MYO7B: variants seen among roughly 807,000 people sequenced by gnomAD.
MYO7B encodes the protein unconventional myosin-VIIb.
Under a neutral mutation model 259.7 loss-of-function variants are expected in MYO7B, and 212 were observed. The ratio of observed to expected loss-of-function variants is 0.82; its 90% CI spans 0.73 to 0.91. The LOEUF (loss-of-function observed/expected upper bound fraction) is 0.91. Ranked by LOEUF, MYO7B falls within the 40% of genes least tolerant of loss-of-function variation. MYO7B has a pLI of 0.00. For synonymous variants in MYO7B, 1,197 were observed against 1,166.4 expected (o/e 1.03, Z -0.54); for missense variants, 2,732 against 2,813.5 (o/e 0.97, Z 0.66).
intron 36 of MYO7B, 93 bp from the exon 37 acceptor site, chr2:127,631,113 C>T: frequency 6.9e-7 from 1 of 1,455,000 alleles, no homozygotes; most frequent in Non-Finnish European, 9.1e-7. Flanking sequence ...GTGCTCTGGC[C>T]CTCCCACAGC....
chr2:127,550,356 A>G (rs1304246867), intron 1 of MYO7B, among the ~76,000 whole-genome samples: 1 of 152,176 alleles, frequency 6.6e-6, no homozygotes, highest in African/African-American at 2.4e-5. Context: ...ACTTGAGGCC[A>G]GGAGTTCAAG....
At position 127,629,685 on chromosome 2, in the gene MYO7B, GGT is replaced by G; in HGVS notation, c.4666_4667del (p.Val1556ProfsTer11). 1.2e-6 allele frequency: 2 copies of G among 1,612,390 alleles called. No individual in the cohort carries two copies. Among genetic ancestry groups the G allele is most frequent in the Non-Finnish European group, 1.7e-6 (2 of 1,179,464 alleles). ...TGGCCTTCAAGAAGGGGGACCTGTT[GGT>G]CCTCACAAAGAAGCAGGGGCTGCTG... ...LLAFKKGDLL[V>X]LTKKQGLLAS... On this transcript the variant is annotated frameshift_variant, in exon 35 of 48. Transcript: ENST00000409816. LOFTEE classifies it high-confidence loss of function.
intron 1 of MYO7B, among the ~76,000 whole-genome samples, chr2:127,536,038 TGAG>T (rs140449261): frequency 6.6e-5 from 10 of 150,922 alleles, no homozygotes; most frequent in Non-Finnish European, 8.9e-5. Flanking sequence ...CCTGGGGGGC[TGAG>T]GAGGAGGAGG....
intron 1 of MYO7B, among the ~76,000 whole-genome samples, chr2:127,542,447 C>T (rs1693041828): frequency 6.6e-6 from 1 of 152,194 alleles, no homozygotes; most frequent in East Asian, 1.9e-4. Context: ...ATGGCTGGCT[C>T]CCCACTGAGC....
chr2:127,558,502 AC>A (rs1207600971), intron 1 of MYO7B, among the ~76,000 whole-genome samples: 2 of 152,212 alleles, frequency 1.3e-5, no homozygotes, highest in African/African-American at 4.8e-5. Flanking sequence ...CTGGGTGTCT[AC>A]CCAGGGGAAA....
chr2:127,570,049 T>C (rs1240272303), intron 6 of MYO7B, 139 bp downstream of exon 6: 1 of 1,109,586 alleles, frequency 9.0e-7, no homozygotes. Context: ...AACACAAGGG[T>C]GGGGTGCATG....
chr2:127,537,686 A>G (rs1258464602), intron 1 of MYO7B, among the ~76,000 whole-genome samples: 1 of 151,738 alleles, frequency 6.6e-6, no homozygotes, highest in African/African-American at 2.4e-5. Flanking sequence ...AGGAGGAGGA[A>G]GAAGAAGAGG....
In MYO7B at chr2:127,625,554, C is replaced by T. The variant is rs142453608; in HGVS notation, c.4215+19C>T. On this transcript the variant is annotated intron_variant, in intron 31 of 47. Transcript: ENST00000409816. ...CGCCAAGGTCAGCCTGCATGCAGCT[C>T]AGGCACCCACCCGAGGGCTCTCCTT... 6.7e-5 allele frequency: 106 copies of T among 1,574,262 alleles called. 1 individual carries two copies. In the East Asian group the frequency reaches 2.4e-3, roughly 35 times the overall value.
In MYO7B at chr2:127,628,441, C is replaced by T; in HGVS notation, c.4530C>T (p.Ser1510=). The T allele has an allele frequency of 3.1e-6, 5 of 1,590,628 alleles. No homozygotes were observed. The highest frequency in any genetic ancestry group is 4.3e-6 in the Non-Finnish European group (5 of 1,169,976). ...MHEEYEFVSP[S]SVAIAELVAL... ...AGGAGTACGAGTTTGTGTCACCCAG[C>T]AGTGTGGCCATCGCTGAGCTGGTGG... The change falls in exon 34 of 48, where the codon AGC becomes AGT. Residue 1510 remains serine (S), a synonymous_variant. Coordinates refer to ENST00000409816, the MANE Select transcript of MYO7B (RefSeq NM_001393586.1). The surrounding 1 kb of genome is among the most constrained non-coding windows in gnomAD (Gnocchi z 4.8).
chr2:127,582,495 T>C (rs1229882616), intron 12 of MYO7B, 49 bp downstream of exon 12: 1 of 1,598,242 alleles, frequency 6.3e-7, no homozygotes. Context: ...AAACAGAAGA[T>C]AAGCAGCTCC....
At chr2:127,617,148 G>T (rs1680600599) in intron 26 of MYO7B, among the ~76,000 whole-genome samples, 1 of 152,092 alleles carries the variant, frequency 6.6e-6, no homozygotes, top group African/African-American at 2.4e-5. Context: ...CAAGTCCTCT[G>T]CACATCTCAC....
intron 19 of MYO7B, among the ~76,000 whole-genome samples, chr2:127,600,890 T>C (rs1679943036): frequency 1.3e-5 from 2 of 152,368 alleles, no homozygotes; most frequent in Non-Finnish European, 2.9e-5. Flanking sequence ...CTCTAGATTC[T>C]TGAGGCAGGA....
At position 127,609,593 on chromosome 2, in the gene MYO7B, C is replaced by G. The variant is rs1389175219; in HGVS notation, c.2902C>G (p.Leu968Val). 2 of 1,614,028 alleles carry G rather than the reference C, an allele frequency of 1.2e-6. No individual in the cohort carries two copies. The highest frequency in any genetic ancestry group is 2.2e-5 in the South Asian group (2 of 91,082). ...AEEPEEDVDG[L>V]AEYTFPKFAV... The stretch of plus-strand genomic sequence containing the variant: ...GGAGCCTGAGGAGGATGTGGATGGC[C>G]TGGCCGAGTACACCTTCCCCAAGTT... The change falls in exon 23 of 48, where the codon CTG (leucine) becomes GTG (valine). Residue 968 changes from leucine (L) to valine (V), a missense_variant. Leu to Val is a conservative substitution (Grantham distance 32). Around this residue, in one of 3 missense-constraint regions of MYO7B, gnomAD observed 1,906 missense variants for 2,026.4 expected, o/e 0.94. Transcript: ENST00000409816. This position sits in a 1 kb window ranked among gnomAD's most constrained non-coding sequence, Gnocchi z 6.9.
intron 1 of MYO7B, among the ~76,000 whole-genome samples, chr2:127,537,224 A>C (rs971950284): frequency 3.3e-5 from 5 of 152,206 alleles, no homozygotes; most frequent in African/African-American, 1.2e-4. Context: ...TAAAGGATAG[A>C]GCTGAGGGAA....
intron 41 of MYO7B, 66 bp downstream of exon 41, chr2:127,634,355 C>A: frequency 8.0e-7 from 1 of 1,243,970 alleles, no homozygotes; most frequent in Non-Finnish European, 1.1e-6. Flanking sequence ...TAGGTGCTGC[C>A]TGTGGGGGCC....
At chr2:127,610,906 A>G (rs1484964829) in intron 24 of MYO7B, among the ~76,000 whole-genome samples, 1 of 152,188 alleles carries the variant, frequency 6.6e-6, no homozygotes, top group Non-Finnish European at 1.5e-5. Flanking sequence ...AGTGTGTCAG[A>G]TATCTGTAGC....
In MYO7B at chr2:127,636,861, T is replaced by C. The variant is rs759921939; in HGVS notation, c.6275T>C (p.Met2092Thr). The C allele has an allele frequency of 6.7e-7, 1 of 1,497,898 alleles. No individual in the cohort carries two copies. The highest frequency in any genetic ancestry group is 9.0e-7 in the Non-Finnish European group (1 of 1,106,386). The allele number at this position is 1,497,898 out of a possible 1,614,324, so 92.8% of individuals were successfully genotyped here. A position where few individuals can be genotyped will look rare whatever the true frequency, so the allele number is the denominator to read the frequency against. ...AGCAGCGGCAGCACCTACTTCCACATGGCGCTGGGGAGCCTGGGCCGTGGC... is the reference window on the plus strand; with the variant it reads ...AGCAGCGGCAGCACCTACTTCCACACGGCGCTGGGGAGCCTGGGCCGTGGC... ...SWSSGSTYFH[M>T]ALGSLGRGSR... The change falls in exon 47 of 48, where the codon ATG becomes ACG. Residue 2092 changes from methionine to threonine, a missense_variant. Physicochemically the swap from Met to Thr is moderately conservative, Grantham distance 81 (BLOSUM62 -1). Coordinates refer to ENST00000409816, the MANE Select transcript of MYO7B (RefSeq NM_001393586.1). The surrounding 1 kb of genome is among the most constrained non-coding windows in gnomAD (Gnocchi z 4.5).
chr2:127,571,454 T>G (rs867475344), intron 6 of MYO7B, among the ~76,000 whole-genome samples: 13 of 145,152 alleles, frequency 9.0e-5, no homozygotes, highest in East Asian at 6.3e-4. Flanking sequence ...TTTTTTTTTT[T>G]TTTTTGCTTG....
intron 19 of MYO7B, among the ~76,000 whole-genome samples, chr2:127,602,452 T>C (rs564810077): frequency 1.7e-3 from 263 of 151,948 alleles, no homozygotes; most frequent in African/African-American, 6.2e-3. Context: ...GTTCAAAACC[T>C]GCCTGGTCAA....
Sources: gnomAD v4.1 joint callset for allele counts (sites outside exome capture counted in the v4.1 genomes callset) on GRCh38, gnomAD v4.1.1 for gene constraint, gnomAD v4.1.1 regional missense constraint, Gnocchi (gnomAD v3.1) non-coding constraint, MANE v1.5 for transcripts, NCBI Gene and HGNC (gene_info 2026-07-23, HGNC 2026-07-21) for gene names.